The following BPNT2 variants were observed in gnomAD, a reference collection of about 807,000 sequenced individuals.
BPNT2 encodes Golgi-resident adenosine 3',5'-bisphosphate 3'-phosphatase.
Under a neutral mutation model 29.3 loss-of-function variants are expected in BPNT2, and 11 were observed. That is an observed-to-expected ratio of 0.38 (90% CI 0.24 to 0.62). BPNT2 has a LOEUF of 0.62. BPNT2 is among the 20% of genes least tolerant of loss of function. BPNT2 has a pLI of 0.62. For synonymous variants in BPNT2, 195 were observed against 187.7 expected, an observed-to-expected ratio of 1.04 and a Z score of -0.32; for missense variants, 459 against 473.4, an observed-to-expected ratio of 0.97 and a Z score of 0.28.
chr8:56,987,797 C>T (rs1426220067), intron 1 of BPNT2, among the ~76,000 whole-genome samples: 3 of 147,002 alleles, frequency 2.0e-5, no homozygotes, highest in Admixed American at 6.8e-5. Flanking sequence ...GGTGTGATCT[C>T]GGCTCACTGC....
Position 56,993,225 on chromosome 8 carries a change from G to A in BPNT2, c.361C>T (p.Leu121Phe). ...VLSNRKMFYLLKTAFPSVQIN... is the reference protein window; with the variant it reads ...VLSNRKMFYLFKTAFPSVQIN... ...TGGACGCTGGGGAAGGCGGTCTTGA[G>A]CAGGTAGAACATCTTGCGGTTGGAC... Residue 121 changes from leucine to phenylalanine, a missense_variant, in exon 1 of 5, where the codon CTC becomes TTC. By Grantham distance (22) the Leu-to-Phe change is conservative. Coordinates refer to ENST00000262644, the MANE Select transcript of BPNT2 (RefSeq NM_017813.5). 1 of 1,604,282 alleles carries A rather than the reference G, an allele frequency of 6.2e-7. No homozygotes were observed. The highest frequency in any genetic ancestry group is 8.5e-7 in the Non-Finnish European group (1 of 1,179,666).
intron 4 of BPNT2, among the ~76,000 whole-genome samples, chr8:56,965,032 A>G (rs1250569033): frequency 6.6e-6 from 1 of 152,164 alleles, no homozygotes; most frequent in East Asian, 1.9e-4. Context: ...AAAGTTAAAA[A>G]GTATTGACCA....
chr8:56,962,322 C>G lies in BPNT2; in HGVS notation c.*1471G>C, dbSNP rs1013762381. 1 of 152,140 alleles carries G rather than the reference C, an allele frequency of 6.6e-6. No homozygotes were observed. Among genetic ancestry groups the G allele is most frequent in the East Asian group, 1.9e-4 (1 of 5,188 alleles). The allele number at this position is 152,140 out of a possible 1,614,324, so 9.4% of individuals were successfully genotyped here. A position where few individuals can be genotyped will look rare whatever the true frequency, so the allele number is the denominator to read the frequency against. On this transcript the variant is annotated 3_prime_UTR_variant, in exon 5 of 5. Coordinates refer to ENST00000262644, the MANE Select transcript of BPNT2 (RefSeq NM_017813.5). ...CCTAAAGTATGCACATTCCACCAGG[C>G]TAGAACGTACATTCTTTGGTCAATT...
At chr8:56,991,815 G>A (rs1416706762) in intron 1 of BPNT2, among the ~76,000 whole-genome samples, 24 of 152,014 alleles carry the variant, frequency 1.6e-4, no homozygotes, top group Admixed American at 1.6e-3. Context: ...TCTTGGGGAA[G>A]GAAACACGTA....
At chr8:56,982,170 T>C (rs368379866) in intron 1 of BPNT2, among the ~76,000 whole-genome samples, 1 of 150,968 alleles carries the variant, frequency 6.6e-6, no homozygotes, top group African/African-American at 2.4e-5. Context: ...TGTCACCAGG[T>C]TGGAGTGCAG....
Position 56,960,994 on chromosome 8 carries a change from TAAGA to T in BPNT2, c.*2795_*2798del, listed in dbSNP as rs1805823617. ...AGAGTTGTGAGGGAAGTATCCTGGC[TAAGA>T]AAGAAAAGCAGAGATAAAGGAGAAC... On this transcript the variant is annotated 3_prime_UTR_variant, in exon 5 of 5. Transcript: ENST00000262644. 6.6e-6 allele frequency: 1 copy of T among 151,952 alleles called. No individual in the cohort carries two copies. The highest frequency in any genetic ancestry group is 2.4e-5 in the African/African-American group (1 of 41,332). The allele number at this position is 151,952 out of a possible 1,614,324, so 9.4% of individuals were successfully genotyped here. A position where few individuals can be genotyped will look rare whatever the true frequency, so the allele number is the denominator to read the frequency against.
chr8:56,972,174 A>C (rs1414758084), intron 3 of BPNT2, among the ~76,000 whole-genome samples: 1 of 152,158 alleles, frequency 6.6e-6, no homozygotes, highest in Non-Finnish European at 1.5e-5. Context: ...TCATCATGGT[A>C]AAAAGTGATC....
At chr8:56,976,989 T>C (rs761228610) in intron 3 of BPNT2, among the ~76,000 whole-genome samples, 1 of 152,150 alleles carries the variant, frequency 6.6e-6, no homozygotes, top group East Asian at 1.9e-4. Context: ...AGCTCACAGA[T>C]AGAACTTTGC....
In BPNT2 at chr8:56,962,447, G is replaced by C. The variant is rs1162671562; in HGVS notation, c.*1346C>G. The C allele has an allele frequency of 6.6e-6, 1 of 152,152 alleles. No homozygotes were observed. The highest frequency in any genetic ancestry group is 6.5e-5 in the Admixed American group (1 of 15,280). The allele number at this position is 152,152 out of a possible 1,614,324, so 9.4% of individuals were successfully genotyped here. A position where few individuals can be genotyped will look rare whatever the true frequency, so the allele number is the denominator to read the frequency against. On this transcript the variant is annotated 3_prime_UTR_variant, in exon 5 of 5. Coordinates refer to ENST00000262644, the MANE Select transcript of BPNT2 (RefSeq NM_017813.5). ...AAATCCCTCTCATCAGCATGTTATG[G>C]AATACAAGGGCACTGGAGTCACATG...
Position 56,967,013 on chromosome 8 carries a change from TA to T in BPNT2, c.647-662del, listed in dbSNP as rs529785597. The stretch of plus-strand genomic sequence containing the variant: ...AGATTTCAAAATAGAATAGAATTTT[TA>T]AAAGGGAAGGGGATGTCAGAGATGG... On this transcript the variant is annotated intron_variant, in intron 3 of 4. Coordinates refer to ENST00000262644, the MANE Select transcript of BPNT2 (RefSeq NM_017813.5). 1.4e-3 allele frequency: 524 copies of T among 361,584 alleles called. 4 individuals carry two copies. The highest frequency in any genetic ancestry group is 2.5e-3 in the Non-Finnish European group (467 of 184,754). The allele number at this position is 361,584 out of a possible 1,614,324, so 22.4% of individuals were successfully genotyped here.
chr8:56,992,027 T>C (rs943032656), intron 1 of BPNT2, among the ~76,000 whole-genome samples: 1 of 151,902 alleles, frequency 6.6e-6, no homozygotes, highest in Non-Finnish European at 1.5e-5. Context: ...GGAAATACAA[T>C]GTTCCTTTCC....
In BPNT2 at chr8:56,958,053, T is replaced by C. The variant is rs766553227; in HGVS notation, c.*5740A>G. ...ATCACATTATCTACAGCAAATTGCC[T>C]GGGGTAGTATCTGAAGGAAAGGCAA... On this transcript the variant is annotated 3_prime_UTR_variant, in exon 5 of 5. Coordinates refer to ENST00000262644, the MANE Select transcript of BPNT2 (RefSeq NM_017813.5). 6.6e-6 allele frequency: 1 copy of C among 152,000 alleles called. No individual in the cohort carries two copies. Among genetic ancestry groups the C allele is most frequent in the Admixed American group, 6.6e-5 (1 of 15,254 alleles). 9.4% of individuals were successfully genotyped at this position (152,000 alleles called of 1,614,324 possible). A position where few individuals can be genotyped will look rare whatever the true frequency, so the allele number is the denominator to read the frequency against.
Position 56,982,193 on chromosome 8 carries a change from G to A in BPNT2, c.388-1996C>T, listed in dbSNP as rs546053285. Among the ~76,000 whole-genome samples the A allele has an allele frequency of 5.6e-4, 83 of 148,530 alleles. 1 individual carries two copies. In the South Asian group the frequency reaches 0.012, roughly 22 times the overall value. On this transcript the variant is annotated intron_variant, in intron 1 of 4. Coordinates refer to ENST00000262644, the MANE Select transcript of BPNT2 (RefSeq NM_017813.5). ...GGTTGGAGTGCAGTGGTGTAATCTCGGCTCACTGCAACTTCCACTTTCCGG... is the reference window on the plus strand; with the variant it reads ...GGTTGGAGTGCAGTGGTGTAATCTCAGCTCACTGCAACTTCCACTTTCCGG...
intron 3 of BPNT2, among the ~76,000 whole-genome samples, chr8:56,971,214 T>C (rs886594257): frequency 3.4e-5 from 5 of 148,074 alleles, no homozygotes; most frequent in African/African-American, 1.3e-4. Flanking sequence ...TGAGGTATAG[T>C]GGTAAGGCAG....
chr8:56,982,323 G>A (rs539794066), intron 1 of BPNT2, among the ~76,000 whole-genome samples: 5 of 152,124 alleles, frequency 3.3e-5, no homozygotes, highest in East Asian at 1.9e-4. Flanking sequence ...AGATTTCACC[G>A]TGTTGGCCAG....
intron 3 of BPNT2, among the ~76,000 whole-genome samples, chr8:56,975,101 G>A (rs1164001929): frequency 6.6e-6 from 1 of 152,116 alleles, no homozygotes; most frequent in African/African-American, 2.4e-5. Flanking sequence ...CTCATACAAA[G>A]AATATCTAGG....
At chr8:56,993,095 A>C (rs1383794570) in intron 1 of BPNT2, 104 bp downstream of exon 1, 2 of 1,525,988 alleles carry the variant, frequency 1.3e-6, no homozygotes, top group African/African-American at 2.7e-5. Flanking sequence ...CAATTTCCAC[A>C]TCTACAAAAT....
intron 1 of BPNT2, among the ~76,000 whole-genome samples, chr8:56,980,631 C>CT (rs1232671565): frequency 5.4e-4 from 78 of 144,592 alleles, no homozygotes; most frequent in East Asian, 1.0e-3. Context: ...AATTTTCTAC[C>CT]TTTTTTTTTT....
Position 56,993,678 on chromosome 8 carries a change from C to T in BPNT2, c.-93G>A. On this transcript the variant is annotated 5_prime_UTR_variant, in exon 1 of 5. Transcript: ENST00000262644. ...CGCAGCCGCCGCGCTCCGGGCCAGGCGCCGCGCGGGCTACACTGGCGCCCG... is the reference window on the plus strand; with the variant it reads ...CGCAGCCGCCGCGCTCCGGGCCAGGTGCCGCGCGGGCTACACTGGCGCCCG... 3 of 1,086,102 alleles carry T rather than the reference C, an allele frequency of 2.8e-6. No individual in the cohort carries two copies. The highest frequency in any genetic ancestry group is 3.3e-6 in the Non-Finnish European group (3 of 899,016). The allele number at this position is 1,086,102 out of a possible 1,614,324, so 67.3% of individuals were successfully genotyped here. A position where few individuals can be genotyped will look rare whatever the true frequency, so the allele number is the denominator to read the frequency against.
Sources: gnomAD v4.1 joint callset for allele counts (sites outside exome capture counted in the v4.1 genomes callset) on GRCh38, gnomAD v4.1.1 for gene constraint, MANE v1.5 for transcripts, NCBI Gene and HGNC (gene_info 2026-07-23, HGNC 2026-07-21) for gene names.